The following PCDHGB3 variants were observed in gnomAD, a reference collection of about 807,000 sequenced individuals.
The protein encoded by PCDHGB3 is protocadherin gamma subfamily B, 3.
PCDHGB3 carries 40 observed loss-of-function variants against 59.2 expected under a neutral mutation model. The ratio of observed to expected loss-of-function variants is 0.68; its 90% CI spans 0.52 to 0.88. The LOEUF is 0.88. PCDHGB3 is among the 40% of genes least tolerant of loss of function. The probability of loss-of-function intolerance (pLI) is 0.00; values close to 1 mark genes in which losing one functional copy is unlikely to be tolerated. For synonymous variants in PCDHGB3, 581 were observed against 503.6 expected (o/e 1.15, Z -2.06); for missense variants, 1,309 against 1,187.9 (o/e 1.10, Z -1.50).
chr5:141,475,049 A>G (rs553607902), intron 1 of PCDHGB3, among the ~76,000 whole-genome samples: 81 of 152,346 alleles, frequency 5.3e-4, no homozygotes, highest in African/African-American at 1.8e-3. Context: ...TGTATTTTCT[A>G]AAGATTTGTG....
intron 1 of PCDHGB3, chr5:141,441,837 G>A (rs952709777): frequency 2.8e-6 from 1 of 354,138 alleles, no homozygotes. Context: ...ATGGCTTCGC[G>A]CTCTTGGATA....
Position 141,476,468 on chromosome 5 carries a change from C to T in PCDHGB3, c.2416-18339C>T. 6.2e-7 allele frequency: 1 copy of T among 1,614,132 alleles called. No homozygotes were observed. Among genetic ancestry groups the T allele is most frequent in the Non-Finnish European group, 8.5e-7 (1 of 1,180,022 alleles). On this transcript the variant is annotated intron_variant, in intron 1 of 3. Coordinates refer to ENST00000576222, the MANE Select transcript of PCDHGB3 (RefSeq NM_018924.5). The surrounding 1 kb of genome is among the most constrained non-coding windows in gnomAD (Gnocchi z 7.6). ...GTTGGTAGTGGAGAACCCGCTGGAG[C>T]TGTTCAGCGTGGAAGTGGTGATCCA...
At chr5:141,415,046 G>C in intron 1 of PCDHGB3, 1 of 1,613,468 alleles carries the variant, frequency 6.2e-7, no homozygotes, top group Non-Finnish European at 8.5e-7. Context: ...TTCGCGGTGG[G>C]GGAGCACACG....
Position 141,487,503 on chromosome 5 carries a change from C to T in PCDHGB3, c.2416-7304C>T. On this transcript the variant is annotated intron_variant, in intron 1 of 3. Transcript: ENST00000576222. The surrounding 1 kb of genome is among the most constrained non-coding windows in gnomAD (Gnocchi z 5.0). The stretch of plus-strand genomic sequence containing the variant: ...TCTCATGGCTGTACACCCTTGGCTT[C>T]TGCACCCACTCGGAGTGATAGCTTC... 1 of 1,614,220 alleles carries T rather than the reference C, an allele frequency of 6.2e-7. No homozygotes were observed. Among genetic ancestry groups the T allele is most frequent in the Non-Finnish European group, 8.5e-7 (1 of 1,180,042 alleles).
At position 141,511,260 on chromosome 5, in the gene PCDHGB3, G is replaced by A; in HGVS notation, c.*87G>A. 6.4e-7 allele frequency: 1 copy of A among 1,558,596 alleles called. No individual in the cohort carries two copies. Among genetic ancestry groups the A allele is most frequent in the Non-Finnish European group, 8.7e-7 (1 of 1,151,758 alleles). On this transcript the variant is annotated 3_prime_UTR_variant, in exon 4 of 4. Transcript: ENST00000576222. ...CCTGCACCCAGGCCTCAGAGTTTCA[G>A]GGCTAACCCCCAGAATACTGGTAGG...
chr5:141,415,492 A>G lies in PCDHGB3; in HGVS notation c.2415+42683A>G, dbSNP rs373866182. 4 of 1,614,154 alleles carry G rather than the reference A, an allele frequency of 2.5e-6. No individual in the cohort carries two copies. The African/African-American group carries it at 4.0e-5, about 16-fold the overall frequency. On this transcript the variant is annotated intron_variant, in intron 1 of 3. Transcript: ENST00000576222. Reference sequence around the variant, plus strand: ...CGCGGACTCGCGAAAGAGTCACCTGATCTTCCCCCAGCCCAATTATGCGGA... The same window carrying G: ...CGCGGACTCGCGAAAGAGTCACCTGGTCTTCCCCCAGCCCAATTATGCGGA...
At chr5:141,418,405 G>T in intron 1 of PCDHGB3, 1 of 1,614,020 alleles carries the variant, frequency 6.2e-7, no homozygotes, top group African/African-American at 1.3e-5. Context: ...CATTGGTGGA[G>T]AAAGACAATC....
chr5:141,460,951 G>GTA (rs200454978), intron 1 of PCDHGB3, among the ~76,000 whole-genome samples: 2,366 of 139,742 alleles, frequency 0.017, 20 homozygotes, highest in Middle Eastern at 0.037. Flanking sequence ...TATGTATTAT[G>GTA]TATATATATA....
rs767892593 is a variant in PCDHGB3, at chr5:141,400,152, T to C, written c.2415+27343T>C. 8 of 1,614,064 alleles carry C rather than the reference T, an allele frequency of 5.0e-6. 1 individual carries two copies. In the South Asian group the frequency reaches 6.6e-5, roughly 13 times the overall value. Reference sequence around the variant, plus strand: ...TGCTGCCGGATATCACTGACCGCCCTGTACCCTCTGACCCCCAGGCTGAGC... The same window carrying C: ...TGCTGCCGGATATCACTGACCGCCCCGTACCCTCTGACCCCCAGGCTGAGC... On this transcript the variant is annotated intron_variant, in intron 1 of 3. Transcript: ENST00000576222.
chr5:141,435,951 G>A (rs371199258), intron 1 of PCDHGB3, among the ~76,000 whole-genome samples: 1 of 152,100 alleles, frequency 6.6e-6, no homozygotes, highest in Non-Finnish European at 1.5e-5. Context: ...ACCAAAAAAG[G>A]GGGCAAAATA....
chr5:141,405,522 C>T (rs542329840), intron 1 of PCDHGB3: 28 of 682,252 alleles, frequency 4.1e-5, no homozygotes, highest in Admixed American at 8.3e-5. Flanking sequence ...CAAATTCAAG[C>T]GATTCTCCTG....
intron 1 of PCDHGB3, chr5:141,404,037 A>T: frequency 6.2e-7 from 1 of 1,613,888 alleles, no homozygotes; most frequent in East Asian, 2.2e-5. Context: ...GACGCACCTC[A>T]GGGAACAGTA....
chr5:141,464,290 A>AC (rs1287070540), intron 1 of PCDHGB3, among the ~76,000 whole-genome samples: 1 of 149,916 alleles, frequency 6.7e-6, no homozygotes, highest in Non-Finnish European at 1.5e-5. Context: ...AAAAAAAAAA[A>AC]CTCCATTGTA....
At chr5:141,374,299 G>A (rs1588736812) in intron 1 of PCDHGB3, 1 of 1,613,982 alleles carries the variant, frequency 6.2e-7, no homozygotes, top group Non-Finnish European at 8.5e-7. Context: ...GAGGTAGGAT[G>A]CAGCTTTTCT....
Position 141,432,759 on chromosome 5 carries a change from G to A in PCDHGB3, c.2415+59950G>A. 6.2e-7 allele frequency: 1 copy of A among 1,614,150 alleles called. No individual in the cohort carries two copies. The highest frequency in any genetic ancestry group is 8.5e-7 in the Non-Finnish European group (1 of 1,180,006). On this transcript the variant is annotated intron_variant, in intron 1 of 3. Coordinates refer to ENST00000576222, the MANE Select transcript of PCDHGB3 (RefSeq NM_018924.5). This position sits in a 1 kb window ranked among gnomAD's most constrained non-coding sequence, Gnocchi z 6.0. ...ACGCTCACCGTGGCCGTGGCCGACA[G>A]CATCCCCCAAGTCCTGGCGGACCTC...
intron 1 of PCDHGB3, chr5:141,375,430 G>C: frequency 6.2e-7 from 1 of 1,613,848 alleles, no homozygotes; most frequent in Non-Finnish European, 8.5e-7. Flanking sequence ...ACGACAACCC[G>C]CCCACCTTCC....
chr5:141,416,169 TAA>T (rs1350204040), intron 1 of PCDHGB3: 1 of 152,706 alleles, frequency 6.5e-6, no homozygotes, highest in African/African-American at 2.4e-5. Flanking sequence ...TTGAATATAC[TAA>T]GTTTTTCATT....
At position 141,508,670 on chromosome 5, in the gene PCDHGB3, C is replaced by A. The variant is rs184838473; in HGVS notation, c.2564-2277C>A. The stretch of plus-strand genomic sequence containing the variant: ...GGCCCTTCCTGTCATTCTGTCTCTG[C>A]CTCCCTTCTCCCTGCTTCTCCGTGT... On this transcript the variant is annotated intron_variant, in intron 3 of 3. Coordinates refer to ENST00000576222, the MANE Select transcript of PCDHGB3 (RefSeq NM_018924.5). Among the ~76,000 whole-genome samples the A allele has an allele frequency of 3.7e-3, 564 of 152,202 alleles. 5 individuals are homozygous for A. The highest frequency in any genetic ancestry group is 0.011 in the Admixed American group (164 of 15,294).
chr5:141,385,141 G>A (rs1183220869), intron 1 of PCDHGB3: 30 of 1,614,084 alleles, frequency 1.9e-5, no homozygotes, highest in African/African-American at 6.7e-5. Context: ...CGGGGTGCAG[G>A]CTTTCCTGCA....
Sources: gnomAD v4.1 joint callset for allele counts (sites outside exome capture counted in the v4.1 genomes callset) on GRCh38, gnomAD v4.1.1 for gene constraint, Gnocchi (gnomAD v3.1) non-coding constraint, MANE v1.5 for transcripts, NCBI Gene and HGNC (gene_info 2026-07-23, HGNC 2026-07-21) for gene names.